Variants in CPXCR1 observed in about 807,000 individuals in gnomAD.
The protein encoded by CPXCR1 is CPX chromosomal region candidate gene 1 protein.
Under a neutral mutation model 13.8 loss-of-function variants are expected in CPXCR1, and 15 were observed. The ratio of observed to expected loss-of-function variants is 1.09; its 90% CI spans 0.73 to 1.67. The LOEUF (loss-of-function observed/expected upper bound fraction) is 1.67. Ranked by LOEUF, CPXCR1 falls within the 40% of genes most tolerant of loss-of-function variation. CPXCR1 has a pLI of 0.00. For missense variants in CPXCR1, 247 were observed against 223.6 expected (o/e 1.10, Z -0.67); for synonymous variants, 70 against 76.7 (o/e 0.91, Z 0.46).
chrX:88,753,984 C>T lies in CPXCR1; in HGVS notation c.570C>T (p.His190=), dbSNP rs187641480. 7.5e-6 allele frequency: 9 copies of T among 1,206,796 alleles called. No homozygotes were observed. The highest frequency in any genetic ancestry group is 5.3e-5 in the South Asian group (3 of 56,672). ...CLYHPNSFTH[H]ERAITFRRPS... ...ACCATCCAAATAGTTTCACCCATCA[C>T]GAGAGAGCCATAACATTTAGAAGGC... Residue 190 remains histidine (H), a synonymous_variant, in exon 3 of 3, where the codon CAC becomes CAT. Transcript: ENST00000276127.
At chrX:88,748,234 TAACA>T (rs1413238214) in intron 1 of CPXCR1, among the ~76,000 whole-genome samples, 1 of 110,725 alleles carries the variant, frequency 9.0e-6, no homozygotes, top group Non-Finnish European at 1.9e-5. Flanking sequence ...GTTTTCTGTA[TAACA>T]AACAGTGAAA....
chrX:88,747,636 TC>T (rs1916538440), intron 1 of CPXCR1, among the ~76,000 whole-genome samples: 1 of 111,766 alleles, frequency 8.9e-6, no homozygotes, highest in Non-Finnish European at 1.9e-5. Flanking sequence ...ATAAGGTCCC[TC>T]AATTGAAGAA....
rs1447659321 is a variant in CPXCR1 at position 88,747,281 on chromosome X, G to C, written c.-203G>C. ...AAAGGGGTCAAGAAGGCAGGACCCC[G>C]TGAAGCACACCTTTCCTAAGGATTT... On this transcript the variant is annotated 5_prime_UTR_variant, in exon 1 of 3. Coordinates refer to ENST00000276127, the MANE Select transcript of CPXCR1 (RefSeq NM_033048.6). 1 of 112,230 alleles carries C rather than the reference G, an allele frequency of 8.9e-6. No individual in the cohort carries two copies. The highest frequency in any genetic ancestry group is 1.9e-5 in the Non-Finnish European group (1 of 53,304). 9.2% of individuals were successfully genotyped at this position (112,230 alleles called of 1,213,427 possible). A position where few individuals can be genotyped will look rare whatever the true frequency, so the allele number is the denominator to read the frequency against.
In CPXCR1 at chrX:88,747,294, T is replaced by G. The variant is rs1924800904; in HGVS notation, c.-190T>G. 1 of 112,160 alleles carries G rather than the reference T, an allele frequency of 8.9e-6. No homozygotes were observed. The highest frequency in any genetic ancestry group is 9.4e-5 in the Admixed American group (1 of 10,590). The allele number at this position is 112,160 out of a possible 1,213,427, so 9.2% of individuals were successfully genotyped here. ...AGGCAGGACCCCGTGAAGCACACCT[T>G]TCCTAAGGATTTTGACGAATGAGAA... On this transcript the variant is annotated 5_prime_UTR_variant, in exon 1 of 3. Transcript: ENST00000276127.
chrX:88,749,515 T>C (rs1924861581), intron 2 of CPXCR1, 92 bp downstream of exon 2: 1 of 110,581 alleles, frequency 9.0e-6, no homozygotes, highest in Non-Finnish European at 1.9e-5. Context: ...CTGAGATGTT[T>C]ATGTAGAGAG....
chrX:88,749,821 ACTC>A (rs1397073532), intron 2 of CPXCR1, among the ~76,000 whole-genome samples: 2 of 108,321 alleles, frequency 1.8e-5, no homozygotes, highest in African/African-American at 6.7e-5. Context: ...AAAGTATACT[ACTC>A]CATGACTTAG....
In CPXCR1 at chrX:88,752,358, T is replaced by C. The variant is rs1272641986; in HGVS notation, c.-8-1049T>C. On this transcript the variant is annotated intron_variant, in intron 2 of 2. Transcript: ENST00000276127. The stretch of plus-strand genomic sequence containing the variant: ...TTTCAGCTTGACTAGTGCTGAGGCA[T>C]TGAGAATGAACAGAAAGTGGTGAAT... Among the ~76,000 whole-genome samples, 3 of 111,036 alleles carry C rather than the reference T, an allele frequency of 2.7e-5. No individual in the cohort carries two copies. In the Admixed American group the frequency reaches 2.9e-4, roughly 11 times the overall value.
In CPXCR1 at chrX:88,753,791, T is replaced by C; in HGVS notation, c.377T>C (p.Ile126Thr). ...GAGATGAAAGCAAACAATTTCCCCA[T>C]AAATCACAAAACTCGTTTTCGACTT... ...KVEMKANNFP[I>T]NHKTRFRLST... The change falls in exon 3 of 3, where the codon ATA becomes ACA. Residue 126 changes from isoleucine (I) to threonine (T), a missense_variant. Coordinates refer to ENST00000276127, the MANE Select transcript of CPXCR1 (RefSeq NM_033048.6). 8.3e-7 allele frequency: 1 copy of C among 1,210,172 alleles called. No individual in the cohort carries two copies. The highest frequency in any genetic ancestry group is 3.0e-5 in the East Asian group (1 of 33,816).
In CPXCR1 at chrX:88,754,092, A is replaced by G. The variant is rs755317011; in HGVS notation, c.678A>G (p.Lys226=). The stretch of plus-strand genomic sequence containing the variant: ...GCAAATCAACTGACACTAAAGGGAA[A>G]TGTAGATTCCGTGCTATTGTGAGGT... The part of the protein sequence containing the change: ...KFCKSTDTKG[K]CRFRAIVRSV... Residue 226 remains lysine (K), a synonymous_variant, in exon 3 of 3, where the codon AAA becomes AAG. Coordinates refer to ENST00000276127, the MANE Select transcript of CPXCR1 (RefSeq NM_033048.6). 1.4e-5 allele frequency: 17 copies of G among 1,207,980 alleles called. No homozygotes were observed. The highest frequency in any genetic ancestry group is 1.9e-5 in the Non-Finnish European group (17 of 892,246).
chrX:88,753,965 C>A lies in CPXCR1; in HGVS notation c.551C>A (p.Pro184Gln). The A allele has an allele frequency of 8.3e-7, 1 of 1,209,024 alleles. No individual in the cohort carries two copies. The highest frequency in any genetic ancestry group is 1.8e-5 in the South Asian group (1 of 56,848). Residue 184 changes from proline (P) to glutamine (Q), a missense_variant, in exon 3 of 3, where the codon CCA (proline) becomes CAA (glutamine). Coordinates refer to ENST00000276127, the MANE Select transcript of CPXCR1 (RefSeq NM_033048.6). ...KRKYIACLYH[P>Q]NSFTHHERAI... ...AAATATATAGCATGTCTTTACCATCCAAATAGTTTCACCCATCACGAGAGA... is the reference window on the plus strand; with the variant it reads ...AAATATATAGCATGTCTTTACCATCAAAATAGTTTCACCCATCACGAGAGA...
At chrX:88,748,562 G>A (rs910366782) in intron 1 of CPXCR1, among the ~76,000 whole-genome samples, 7 of 109,947 alleles carry the variant, frequency 6.4e-5, no homozygotes, top group African/African-American at 1.3e-4. Flanking sequence ...ATATTGAGAG[G>A]TTTAACAGAA....
At chrX:88,750,659 C>T (rs1019145159) in intron 2 of CPXCR1, among the ~76,000 whole-genome samples, 10 of 111,936 alleles carry the variant, frequency 8.9e-5, no homozygotes, top group Non-Finnish European at 1.9e-4. Flanking sequence ...ACCAGCTCCT[C>T]TTTTGTACGT....
intron 2 of CPXCR1, among the ~76,000 whole-genome samples, chrX:88,750,419 A>G (rs1179626989): frequency 2.7e-5 from 3 of 111,635 alleles, no homozygotes. Context: ...CCCAGGGATG[A>G]AGCTGACTTG....
At position 88,749,956 on chromosome X, in the gene CPXCR1, T is replaced by C. The variant is rs189231878; in HGVS notation, c.-9+533T>C. The stretch of plus-strand genomic sequence containing the variant: ...CCTGAGACTTTGCTGAAGTTGCTTA[T>C]CAGCTTAAGGAGATTTTGAGCTGAG... On this transcript the variant is annotated intron_variant, in intron 2 of 2. Coordinates refer to ENST00000276127, the MANE Select transcript of CPXCR1 (RefSeq NM_033048.6). 9.7e-3 allele frequency among the ~76,000 whole-genome samples: 1,068 copies of C among 109,779 alleles called. 15 individuals are homozygous for C. Among genetic ancestry groups the C allele is most frequent in the African/African-American group, 0.034 (1,019 of 30,184 alleles).
chrX:88,752,099 G>A (rs749137811), intron 2 of CPXCR1, among the ~76,000 whole-genome samples: 1 of 112,146 alleles, frequency 8.9e-6, no homozygotes, highest in East Asian at 2.8e-4. Flanking sequence ...AATGTTCCCT[G>A]CCCATAATCC....
intron 1 of CPXCR1, among the ~76,000 whole-genome samples, chrX:88,749,054 T>C (rs1924850498): frequency 9.6e-6 from 1 of 104,711 alleles, no homozygotes; most frequent in African/African-American, 3.5e-5. Context: ...GCATTAGGTA[T>C]ATCTCCTAAT....
intron 1 of CPXCR1, among the ~76,000 whole-genome samples, chrX:88,747,842 T>A (rs1406895185): frequency 8.9e-6 from 1 of 112,080 alleles, no homozygotes; most frequent in African/African-American, 3.2e-5. Flanking sequence ...GTGTAAAATA[T>A]TTAAAGTTTT....
At chrX:88,752,025 C>T (rs1288847794) in intron 2 of CPXCR1, among the ~76,000 whole-genome samples, 1 of 111,893 alleles carries the variant, frequency 8.9e-6, no homozygotes, top group Non-Finnish European at 1.9e-5. Flanking sequence ...CAAACTCCAC[C>T]ACTCCACCAG....
In CPXCR1 at chrX:88,753,834, C is replaced by T. The variant is rs375982792; in HGVS notation, c.420C>T (p.Val140=). Residue 140 remains valine (V), a synonymous_variant, in exon 3 of 3, where the codon GTC becomes GTT. Transcript: ENST00000276127. ...TRFRLSTSWR[V]PFINSHEIRS... is the part of the protein sequence containing the mutation. ...TTCGACTTTCAACTTCATGGAGAGTCCCATTTATTAACAGTCATGAGATAA... is the reference window on the plus strand; with the variant it reads ...TTCGACTTTCAACTTCATGGAGAGTTCCATTTATTAACAGTCATGAGATAA... 1.7e-5 allele frequency: 20 copies of T among 1,205,080 alleles called. No individual in the cohort carries two copies. The African/African-American group carries it at 3.2e-4, about 19-fold the overall frequency.
Sources: allele counts gnomAD v4.1 joint callset (sites outside exome capture counted in the v4.1 genomes callset), GRCh38; gene constraint gnomAD v4.1.1; transcripts MANE v1.5; gene names NCBI Gene and HGNC (gene_info 2026-07-23, HGNC 2026-07-21).